PLCB1: variants seen among roughly 807,000 people sequenced by gnomAD.
The protein encoded by PLCB1 is phospholipase C beta 1, also known as 1-phosphatidylinositol 4,5-bisphosphate phosphodiesterase beta-1.
Under a neutral mutation model 161.8 loss-of-function variants are expected in PLCB1, and 46 were observed. That is an observed-to-expected ratio of 0.28 (90% CI 0.22 to 0.36). PLCB1 has a LOEUF of 0.36. Ranked by LOEUF, PLCB1 falls within the 10% of genes least tolerant of loss-of-function variation. PLCB1 has a pLI of 1.00. For synonymous variants in PLCB1, 517 were observed against 503.7 expected (o/e 1.03, Z -0.35); for missense variants, 1,016 against 1,472.5 (o/e 0.69, Z 5.07).
At chr20:8,293,036 T>A (rs992986170) in intron 2 of PLCB1, among the ~76,000 whole-genome samples, 1 of 152,096 alleles carries the variant, frequency 6.6e-6, no homozygotes, top group Non-Finnish European at 1.5e-5. Context: ...TGCAAAAACA[T>A]GGTTTTTGGT....
intron 3 of PLCB1, chr20:8,623,847 T>A (rs1988254180): frequency 6.6e-6 from 1 of 152,210 alleles, no homozygotes; most frequent in Admixed American, 6.5e-5. Context: ...CCTAAGCCAC[T>A]GGTACACCCT....
chr20:8,155,647 T>G (rs1455960616), intron 2 of PLCB1, among the ~76,000 whole-genome samples: 1 of 152,196 alleles, frequency 6.6e-6, no homozygotes, highest in Admixed American at 6.5e-5. Context: ...ATTTCATTAA[T>G]GATTTTTAGC....
intron 2 of PLCB1, among the ~76,000 whole-genome samples, chr20:8,262,750 T>C (rs1981768214): frequency 6.6e-6 from 1 of 152,196 alleles, no homozygotes; most frequent in South Asian, 2.1e-4. Context: ...AAGTCTAAGA[T>C]GAAAGTGCCA....
intron 27 of PLCB1, among the ~76,000 whole-genome samples, chr20:8,785,907 A>G (rs550261169): frequency 1.3e-5 from 2 of 152,294 alleles, no homozygotes; most frequent in East Asian, 1.9e-4. Flanking sequence ...ACTGAATTCA[A>G]AAGAGTTGCT....
Position 8,132,463 on chromosome 20 carries a change from G to T in PLCB1, c.-189G>T. On this transcript the variant is annotated 5_prime_UTR_variant, in exon 1 of 32. Coordinates refer to ENST00000338037, the MANE Select transcript of PLCB1 (RefSeq NM_015192.4). This position sits in a 1 kb window ranked among gnomAD's most constrained non-coding sequence, Gnocchi z 5.2. ...GGGCATGGCCGGGCGCTGCGCCCCCGCGCGCTCTGCCTGCTGAGCGGCGCC... is the reference window on the plus strand; with the variant it reads ...GGGCATGGCCGGGCGCTGCGCCCCCTCGCGCTCTGCCTGCTGAGCGGCGCC... 2 of 330,498 alleles carry T rather than the reference G, an allele frequency of 6.1e-6. No individual in the cohort carries two copies. 20.5% of individuals were successfully genotyped at this position (330,498 alleles called of 1,614,324 possible).
Position 8,437,368 on chromosome 20 carries a change from C to G in PLCB1, c.246+65918C>G, listed in dbSNP as rs191152754. On this transcript the variant is annotated intron_variant, in intron 3 of 31. Transcript: ENST00000338037. ...TTTACTAAAATATTACCTAATAGTA[C>G]AGGAATAGACAACTGTATCAATGGA... Among the ~76,000 whole-genome samples, 249 of 152,212 alleles carry G rather than the reference C, an allele frequency of 1.6e-3. 9 individuals are homozygous for G. Among genetic ancestry groups the G allele is most frequent in the Admixed American group, 0.012 (190 of 15,286 alleles).
intron 3 of PLCB1, among the ~76,000 whole-genome samples, chr20:8,512,575 GATAA>G (rs1454460799): frequency 6.6e-6 from 1 of 151,520 alleles, no homozygotes; most frequent in Non-Finnish European, 1.5e-5. Flanking sequence ...TTTTTTAATT[GATAA>G]ATAATAATTA....
At chr20:8,806,402 C>G (rs1280597414) in intron 31 of PLCB1, among the ~76,000 whole-genome samples, 1 of 152,118 alleles carries the variant, frequency 6.6e-6, no homozygotes, top group African/African-American at 2.4e-5. Context: ...GTTCCCCTCT[C>G]TAAAGCAGCA....
At chr20:8,283,795 C>A (rs1238658621) in intron 2 of PLCB1, among the ~76,000 whole-genome samples, 2 of 152,004 alleles carry the variant, frequency 1.3e-5, no homozygotes, top group Non-Finnish European at 2.9e-5. Flanking sequence ...CAAATGGCCT[C>A]TTATTGTTTT....
chr20:8,853,710 G>T (rs1421296032), intron 31 of PLCB1, among the ~76,000 whole-genome samples: 2 of 152,156 alleles, frequency 1.3e-5, no homozygotes, highest in Non-Finnish European at 2.9e-5. Flanking sequence ...TGCAACTTCA[G>T]TTCAAGCAAA....
intron 3 of PLCB1, among the ~76,000 whole-genome samples, chr20:8,511,070 A>G (rs987204713): frequency 3.5e-4 from 53 of 152,162 alleles, no homozygotes; most frequent in Admixed American, 3.4e-3. Context: ...ATGCTGTGCA[A>G]TAGATCTCAA....
At position 8,132,825 on chromosome 20, in the gene PLCB1, A is replaced by G; in HGVS notation, c.99+75A>G. The G allele has an allele frequency of 9.6e-7, 1 of 1,045,980 alleles. No homozygotes were observed. The highest frequency in any genetic ancestry group is 1.5e-6 in the Non-Finnish European group (1 of 687,320). The allele number at this position is 1,045,980 out of a possible 1,614,324, so 64.8% of individuals were successfully genotyped here. A position where few individuals can be genotyped will look rare whatever the true frequency, so the allele number is the denominator to read the frequency against. On this transcript the variant is annotated intron_variant, in intron 1 of 31. Coordinates refer to ENST00000338037, the MANE Select transcript of PLCB1 (RefSeq NM_015192.4). The surrounding 1 kb of genome is among the most constrained non-coding windows in gnomAD (Gnocchi z 5.2). ...GGGCGGGCGTCGTGGGGGTGGGGCA[A>G]GGGGCGCGTTATGCAATGGGCGCAC...
chr20:8,727,265 A>G (rs1979987974), intron 16 of PLCB1, 44 bp from the exon 17 acceptor site: 1 of 933,520 alleles, frequency 1.1e-6, no homozygotes, highest in South Asian at 1.4e-5. Flanking sequence ...AATGAATTGT[A>G]TTTCTCACCT....
chr20:8,536,736 C>T (rs1985066943), intron 3 of PLCB1, among the ~76,000 whole-genome samples: 1 of 152,094 alleles, frequency 6.6e-6, no homozygotes, highest in African/African-American at 2.4e-5. Context: ...ACAACTAGAT[C>T]GAGAACTGAG....
At chr20:8,366,609 A>G (rs1986719059) in intron 2 of PLCB1, among the ~76,000 whole-genome samples, 1 of 152,196 alleles carries the variant, frequency 6.6e-6, no homozygotes, top group Non-Finnish European at 1.5e-5. Context: ...CTGTTAATTC[A>G]CTTTTATCCA....
intron 31 of PLCB1, among the ~76,000 whole-genome samples, chr20:8,805,922 A>C (rs887146420): frequency 6.6e-6 from 1 of 152,326 alleles, no homozygotes; most frequent in South Asian, 2.1e-4. Flanking sequence ...TTAAAGAAGC[A>C]TATCTCTTTG....
intron 2 of PLCB1, among the ~76,000 whole-genome samples, chr20:8,316,967 C>T (rs1984689967): frequency 7.3e-6 from 1 of 137,196 alleles, no homozygotes; most frequent in African/African-American, 2.6e-5. Flanking sequence ...GGCCCAGATA[C>T]CCTCAAACAA....
Position 8,813,676 on chromosome 20 carries a change from A to T in PLCB1, c.3423+23415A>T, listed in dbSNP as rs550812151. Reference sequence around the variant, plus strand: ...GAGACCCTATCTCTAAAAAAATTTTAAAAAATTAGCTGGGCATGGTAACAC... The same window carrying T: ...GAGACCCTATCTCTAAAAAAATTTTTAAAAATTAGCTGGGCATGGTAACAC... On this transcript the variant is annotated intron_variant, in intron 31 of 31. Transcript: ENST00000338037. Among the ~76,000 whole-genome samples, 30 of 152,222 alleles carry T rather than the reference A, an allele frequency of 2.0e-4. No homozygotes were observed. The South Asian group carries it at 2.1e-3, about 11-fold the overall frequency.
intron 3 of PLCB1, among the ~76,000 whole-genome samples, chr20:8,421,870 A>G (rs1979550445): frequency 6.6e-6 from 1 of 152,208 alleles, no homozygotes; most frequent in Non-Finnish European, 1.5e-5. Flanking sequence ...AGGTAAAATG[A>G]ATATGCATGC....
Sources: gnomAD v4.1 joint callset for allele counts (sites outside exome capture counted in the v4.1 genomes callset) on GRCh38, gnomAD v4.1.1 for gene constraint, Gnocchi (gnomAD v3.1) non-coding constraint, MANE v1.5 for transcripts, NCBI Gene and HGNC (gene_info 2026-07-23, HGNC 2026-07-21) for gene names.